SVEP1: variants seen among roughly 807,000 people sequenced by gnomAD.
The protein encoded by SVEP1 is sushi, von Willebrand factor type A, EGF and pentraxin domain containing 1.
Under a neutral mutation model 367.3 loss-of-function variants are expected in SVEP1, and 164 were observed. The ratio of observed to expected loss-of-function variants is 0.45; its 90% CI spans 0.39 to 0.51. The LOEUF is 0.51. Among genes scored for constraint, SVEP1 ranks in the 20% least tolerant of loss-of-function variants. SVEP1 has a pLI of 0.00. For synonymous variants in SVEP1, 1,666 were observed against 1,611.6 expected (o/e 1.03, Z -0.81); for missense variants, 4,117 against 4,425.3 (o/e 0.93, Z 1.98).
At chr9:110,390,706 C>T (rs939879434) in intron 40 of SVEP1, among the ~76,000 whole-genome samples, 3 of 151,916 alleles carry the variant, frequency 2.0e-5, no homozygotes, top group Non-Finnish European at 4.4e-5. Context: ...ACACACGAAT[C>T]ACCAAGGGAA....
At position 110,451,181 on chromosome 9, in the gene SVEP1, C is replaced by A; in HGVS notation, c.3901+108G>T. 4 of 832,724 alleles carry A rather than the reference C, an allele frequency of 4.8e-6. No individual in the cohort carries two copies. The East Asian group carries it at 1.1e-4, about 22-fold the overall frequency. 51.6% of individuals were successfully genotyped at this position (832,724 alleles called of 1,614,324 possible). The stretch of plus-strand genomic sequence containing the variant: ...GACTTTCTCTTACATAATCACCATA[C>A]AGTAATAAAATCCAAAAATTCACAT... On this transcript the variant is annotated intron_variant, in intron 23 of 47. Coordinates refer to ENST00000374469, the MANE Select transcript of SVEP1 (RefSeq NM_153366.4).
In SVEP1 at chr9:110,514,118, C is replaced by G. The variant is rs1307923124; in HGVS notation, c.965-12G>C. 1 of 1,605,006 alleles carries G rather than the reference C, an allele frequency of 6.2e-7. No individual in the cohort carries two copies. The highest frequency in any genetic ancestry group is 1.1e-5 in the South Asian group (1 of 89,266). On this transcript the variant is annotated splice_polypyrimidine_tract_variant and intron_variant, in intron 3 of 47. Transcript: ENST00000374469. ...CCCCGATGGGCAAGCTGTGGGCAGA[C>G]AAGCCGGAGAAGTCCATGTTATGTG...
intron 13 of SVEP1, among the ~76,000 whole-genome samples, chr9:110,476,917 G>GAAGC (rs1829105339): frequency 6.6e-6 from 1 of 152,098 alleles, no homozygotes; most frequent in South Asian, 2.1e-4. Flanking sequence ...TCACAGTTCT[G>GAAGC]AAGCTCATGC....
intron 18 of SVEP1, among the ~76,000 whole-genome samples, chr9:110,461,517 C>T (rs755827346): frequency 9.9e-5 from 15 of 152,008 alleles, no homozygotes; most frequent in Non-Finnish European, 1.8e-4. Flanking sequence ...ATTAGTAGTA[C>T]GGTTGAAAAA....
intron 21 of SVEP1, among the ~76,000 whole-genome samples, chr9:110,457,051 T>C (rs1447952945): frequency 2.0e-5 from 3 of 152,312 alleles, no homozygotes; most frequent in East Asian, 3.9e-4. Context: ...CTTTATTCTT[T>C]ATCCAAAATA....
intron 36 of SVEP1, among the ~76,000 whole-genome samples, chr9:110,416,533 A>G (rs1490814603): frequency 6.6e-6 from 1 of 151,990 alleles, no homozygotes; most frequent in Non-Finnish European, 1.5e-5. Flanking sequence ...AAAAGGCCCA[A>G]CATATATCTA....
intron 18 of SVEP1, among the ~76,000 whole-genome samples, chr9:110,463,661 G>A (rs1828894525): frequency 9.1e-6 from 1 of 110,176 alleles, no homozygotes; most frequent in Non-Finnish European, 2.1e-5. Context: ...GCTGATGAAA[G>A]AAAGAAAGGC....
intron 40 of SVEP1, among the ~76,000 whole-genome samples, chr9:110,392,728 G>A (rs1393920933): frequency 6.8e-6 from 1 of 146,228 alleles, no homozygotes; most frequent in Non-Finnish European, 1.5e-5. Context: ...TCCTTTAAGA[G>A]ATTCTAATTT....
At chr9:110,543,457 G>A (rs868306324) in intron 3 of SVEP1, among the ~76,000 whole-genome samples, 2 of 152,074 alleles carry the variant, frequency 1.3e-5, no homozygotes, top group Non-Finnish European at 2.9e-5. Context: ...ACTAATGACA[G>A]GCCCACCCAA....
Position 110,406,372 on chromosome 9 carries a change from A to C in SVEP1, c.9228T>G (p.Ser3076Arg). The change falls in exon 38 of 48, where the codon AGT becomes AGG. Residue 3076 changes from serine (S) to arginine (R), a missense_variant. Physicochemically the swap from Ser to Arg is moderately radical, Grantham distance 110. This residue lies in a region of SVEP1 where 1,765 missense variants were observed against 1,781.1 expected (regional missense o/e 0.99). Coordinates refer to ENST00000374469, the MANE Select transcript of SVEP1 (RefSeq NM_153366.4). The stretch of plus-strand genomic sequence containing the variant: ...CATTTTCCTTCCAAGAGCTGGTCTC[A>C]CTGATGAACGCATTTGGTATCATTG... ...SLPMIPNAFI[S>R]ETSSWKENVI... 1 of 1,614,060 alleles carries C rather than the reference A, an allele frequency of 6.2e-7. No individual in the cohort carries two copies. Among genetic ancestry groups the C allele is most frequent in the Non-Finnish European group, 8.5e-7 (1 of 1,179,898 alleles).
At chr9:110,528,156 GTATATATATATATATATATA>G (rs59360366) in intron 3 of SVEP1, among the ~76,000 whole-genome samples, 830 of 33,982 alleles carry the variant, frequency 0.024, 21 homozygotes, top group African/African-American at 0.082. Flanking sequence ...GTGTGTGTGT[GTATATATATATATATATATA>G]TATATATATA....
chr9:110,530,117 G>A (rs917284479), intron 3 of SVEP1, among the ~76,000 whole-genome samples: 20 of 152,104 alleles, frequency 1.3e-4, no homozygotes, highest in Non-Finnish European at 2.1e-4. Context: ...AGATGATCAC[G>A]TGGTTTTTGT....
At chr9:110,511,488 C>CT (rs199993986) in intron 5 of SVEP1, among the ~76,000 whole-genome samples, 72 of 77,506 alleles carry the variant, frequency 9.3e-4, no homozygotes, top group Non-Finnish European at 1.3e-3. Context: ...GTGTCAGTAC[C>CT]TTTTTTTTTT....
At chr9:110,433,206 T>C (rs940102140) in intron 30 of SVEP1, among the ~76,000 whole-genome samples, 1 of 152,078 alleles carries the variant, frequency 6.6e-6, no homozygotes, top group Non-Finnish European at 1.5e-5. Context: ...CAATTAAATC[T>C]CCTTTCTTTA....
At chr9:110,470,965 G>A (rs1455981182) in intron 16 of SVEP1, among the ~76,000 whole-genome samples, 1 of 151,872 alleles carries the variant, frequency 6.6e-6, no homozygotes, top group Non-Finnish European at 1.5e-5. Context: ...GGGCAAATTC[G>A]TAGCCTCTCT....
chr9:110,386,002 T>C lies in SVEP1; in HGVS notation c.10133A>G (p.Gln3378Arg). ...LLSEKEFYVD[Q>R]NVSIKCREGF... Reference sequence around the variant, plus strand: ...TTCCCTACATTTGATGGACACATTCTGATCAACATAAAACTCCTTTTCAGA... The same window carrying C: ...TTCCCTACATTTGATGGACACATTCCGATCAACATAAAACTCCTTTTCAGA... The change falls in exon 43 of 48, where the codon CAG (glutamine) becomes CGG (arginine). Residue 3378 changes from glutamine to arginine, a missense_variant. Gln to Arg is a conservative substitution (Grantham distance 43, BLOSUM62 1). Coordinates refer to ENST00000374469, the MANE Select transcript of SVEP1 (RefSeq NM_153366.4). 1.2e-6 allele frequency: 2 copies of C among 1,613,910 alleles called. No homozygotes were observed. Among genetic ancestry groups the C allele is most frequent in the Non-Finnish European group, 1.7e-6 (2 of 1,179,820 alleles).
intron 18 of SVEP1, among the ~76,000 whole-genome samples, chr9:110,462,215 CAGAAGGTAAAAAATTGTACTA>C (rs1296955325): frequency 6.6e-6 from 1 of 151,792 alleles, no homozygotes; most frequent in Non-Finnish European, 1.5e-5. Context: ...TAGAAACTAA[CAGAAGGTAAAAAATTGTACTA>C]AGATGTAATA....
intron 9 of SVEP1, 41 bp downstream of exon 9, chr9:110,489,609 A>G (rs1564157394): frequency 6.4e-7 from 1 of 1,573,140 alleles, no homozygotes; most frequent in South Asian, 1.2e-5. Flanking sequence ...ACAGTTCAAG[A>G]TGACGTTTGG....
chr9:110,451,184 T>C (rs1828688035), intron 23 of SVEP1, 105 bp downstream of exon 23: 1 of 878,476 alleles, frequency 1.1e-6, no homozygotes, highest in East Asian at 2.7e-5. Context: ...CACCATACAG[T>C]AATAAAATCC....
Sources: gnomAD v4.1 joint callset for allele counts (sites outside exome capture counted in the v4.1 genomes callset) on GRCh38, gnomAD v4.1.1 for gene constraint, gnomAD v4.1.1 regional missense constraint, MANE v1.5 for transcripts, NCBI Gene and HGNC (gene_info 2026-07-23, HGNC 2026-07-21) for gene names.